Variants in NRXN3 observed in about 807,000 individuals in gnomAD.
The protein encoded by NRXN3 is neurexin III.
A neutral mutation model predicts 137.6 loss-of-function variants in NRXN3; 32 were observed. The observed-to-expected ratio is 0.23, with a 90% CI of 0.18 to 0.31. The LOEUF (loss-of-function observed/expected upper bound fraction) is 0.31, where lower values mean the gene tolerates loss of function less well. Among genes scored for constraint, NRXN3 ranks in the 10% least tolerant of loss-of-function variants. The pLI, the probability that NRXN3 is intolerant of heterozygous loss-of-function variation, is 1.00. For missense variants in NRXN3, 1,574 were observed against 2,062.5 expected, an observed-to-expected ratio of 0.76 and a Z score of 4.59; for synonymous variants, 798 against 784.5, an observed-to-expected ratio of 1.02 and a Z score of -0.29.
intron 15 of NRXN3, among the ~76,000 whole-genome samples, chr14:79,090,444 G>A (rs545531869): frequency 1.3e-5 from 2 of 152,046 alleles, no homozygotes; most frequent in African/African-American, 4.8e-5. Context: ...CAATCTTCCA[G>A]TTACACCCTG....
At chr14:79,051,622 A>T (rs2099642013) in intron 15 of NRXN3, among the ~76,000 whole-genome samples, 1 of 152,230 alleles carries the variant, frequency 6.6e-6, no homozygotes, top group Non-Finnish European at 1.5e-5. Context: ...TTTGATATAA[A>T]CGGCCTTCAT....
intron 4 of NRXN3, among the ~76,000 whole-genome samples, chr14:78,449,372 C>G (rs937254512): frequency 2.0e-5 from 3 of 152,142 alleles, no homozygotes; most frequent in Non-Finnish European, 4.4e-5. Context: ...GCCACCAGGC[C>G]TAGCTAATTT....
At chr14:78,987,816 A>G (rs968442549) in intron 14 of NRXN3, among the ~76,000 whole-genome samples, 1 of 152,142 alleles carries the variant, frequency 6.6e-6, no homozygotes, top group Non-Finnish European at 1.5e-5. Context: ...AACTGTTGAT[A>G]GTTTGTGGCT....
chr14:78,735,984 G>A (rs150023199), intron 8 of NRXN3, among the ~76,000 whole-genome samples: 12 of 152,216 alleles, frequency 7.9e-5, no homozygotes, highest in Non-Finnish European at 1.6e-4. Flanking sequence ...TTATATGGCC[G>A]TTTCCTATCT....
At chr14:79,597,995 C>A (rs1353422350) in intron 16 of NRXN3, among the ~76,000 whole-genome samples, 1 of 152,202 alleles carries the variant, frequency 6.6e-6, no homozygotes, top group African/African-American at 2.4e-5. Context: ...TCCAACACTT[C>A]TCTACCCATT....
intron 10 of NRXN3, among the ~76,000 whole-genome samples, chr14:78,813,506 C>A (rs2098921238): frequency 6.6e-6 from 1 of 152,074 alleles, no homozygotes; most frequent in Non-Finnish European, 1.5e-5. Context: ...ATTTTCAAAA[C>A]AGAGCTTCTT....
At chr14:78,771,135 G>A (rs748140775) in intron 8 of NRXN3, among the ~76,000 whole-genome samples, 4 of 152,214 alleles carry the variant, frequency 2.6e-5, no homozygotes, top group Non-Finnish European at 4.4e-5. Context: ...AGGTGGCACC[G>A]CTGAGCAAGA....
At chr14:78,867,368 T>C (rs975333196) in intron 10 of NRXN3, among the ~76,000 whole-genome samples, 8 of 152,190 alleles carry the variant, frequency 5.3e-5, no homozygotes, top group African/African-American at 1.7e-4. Context: ...CATCTTGAAT[T>C]CTTTCTTTTT....
chr14:79,257,174 G>A (rs1022345362), intron 15 of NRXN3, among the ~76,000 whole-genome samples: 5 of 152,008 alleles, frequency 3.3e-5, no homozygotes, highest in Non-Finnish European at 7.4e-5. Flanking sequence ...CAGGGAGGGC[G>A]AGGGGGAGGT....
intron 19 of NRXN3, among the ~76,000 whole-genome samples, chr14:79,772,325 C>T (rs1184989224): frequency 6.6e-6 from 1 of 152,040 alleles, no homozygotes; most frequent in African/African-American, 2.4e-5. Context: ...CCAAGTCAAT[C>T]CTAAGCCAAA....
chr14:78,255,664 AG>A (rs1276475722), intron 2 of NRXN3, among the ~76,000 whole-genome samples: 1 of 152,228 alleles, frequency 6.6e-6, no homozygotes, highest in African/African-American at 2.4e-5. Flanking sequence ...CGTGAAACCA[AG>A]GGTGGAGGAC....
intron 15 of NRXN3, among the ~76,000 whole-genome samples, chr14:79,019,698 G>A (rs1324998116): frequency 6.6e-6 from 1 of 152,174 alleles, no homozygotes; most frequent in Non-Finnish European, 1.5e-5. Flanking sequence ...AGTTTTGCAA[G>A]GAGGAAAGTA....
intron 15 of NRXN3, among the ~76,000 whole-genome samples, chr14:79,065,726 AC>A (rs1053507012): frequency 2.0e-5 from 3 of 151,930 alleles, no homozygotes; most frequent in Admixed American, 6.6e-5. Flanking sequence ...TAGACAAGTC[AC>A]CCCAATCTCG....
chr14:79,645,009 G>A (rs1416165931), intron 16 of NRXN3, among the ~76,000 whole-genome samples: 1 of 135,474 alleles, frequency 7.4e-6, no homozygotes, highest in African/African-American at 2.5e-5. Context: ...TTGCATTTCT[G>A]TCCACTTGTT....
chr14:79,387,665 T>C (rs2094680640), intron 15 of NRXN3, among the ~76,000 whole-genome samples: 1 of 151,380 alleles, frequency 6.6e-6, no homozygotes, highest in South Asian at 2.1e-4. Context: ...TATATTTTAT[T>C]GCAGCACTAT....
chr14:78,842,936 A>T (rs918267107), intron 10 of NRXN3, among the ~76,000 whole-genome samples: 6 of 152,046 alleles, frequency 3.9e-5, no homozygotes, highest in Admixed American at 2.6e-4. Context: ...TTCTTTTTTC[A>T]AGGTGCCCAG....
intron 15 of NRXN3, among the ~76,000 whole-genome samples, chr14:79,292,736 T>C (rs1209106366): frequency 1.3e-5 from 2 of 152,206 alleles, no homozygotes; most frequent in Admixed American, 6.5e-5. Context: ...TGAGTGAATA[T>C]GTGTGTGTTT....
chr14:78,890,208 C>T (rs1378683984), intron 10 of NRXN3, among the ~76,000 whole-genome samples: 1 of 151,774 alleles, frequency 6.6e-6, no homozygotes, highest in Non-Finnish European at 1.5e-5. Context: ...GAAACGAATA[C>T]AACAAGGAAC....
intron 15 of NRXN3, among the ~76,000 whole-genome samples, chr14:79,364,749 T>G (rs1310114476): frequency 6.6e-6 from 1 of 152,184 alleles, no homozygotes; most frequent in African/African-American, 2.4e-5. Flanking sequence ...CTCATTAGAA[T>G]AATGTGACTT....
Sources: gnomAD v4.1 joint callset for allele counts (sites outside exome capture counted in the v4.1 genomes callset) on GRCh38, gnomAD v4.1.1 for gene constraint, MANE v1.5 for transcripts, NCBI Gene and HGNC (gene_info 2026-07-23, HGNC 2026-07-21) for gene names.